RYR1: variants seen among roughly 807,000 people sequenced by gnomAD.
The protein encoded by RYR1 is ryanodine receptor 1.
A neutral mutation model predicts 583.5 loss-of-function variants in RYR1; 342 were observed. The observed-to-expected ratio is 0.59, with a 90% CI of 0.54 to 0.64. The LOEUF (loss-of-function observed/expected upper bound fraction) is 0.64. Among genes scored for constraint, RYR1 ranks in the 30% least tolerant of loss-of-function variants. RYR1 has a pLI of 0.00. For synonymous variants in RYR1, 2,791 were observed against 2,822.5 expected (o/e 0.99, Z 0.35); for missense variants, 6,032 against 6,917.2 (o/e 0.87, Z 4.54).
intron 31 of RYR1, among the ~76,000 whole-genome samples, chr19:38,479,604 G>A (rs1968911487): frequency 6.6e-6 from 1 of 151,996 alleles, no homozygotes; most frequent in South Asian, 2.1e-4. Flanking sequence ...GTAGAGATGG[G>A]TTTTCCTCAT....
In RYR1 at chr19:38,443,519, G is replaced by A. The variant is rs1476760234; in HGVS notation, c.271-39G>A. On this transcript the variant is annotated intron_variant, in intron 3 of 105. Coordinates refer to ENST00000359596, the MANE Select transcript of RYR1 (RefSeq NM_000540.3). ...ACCTCTTGGGGATCTGGAGAGTCCG[G>A]GGATCTGTGCTTATTCTGTTCCCTC... is the stretch of plus-strand genomic sequence containing the variant. 5.7e-6 allele frequency: 9 copies of A among 1,586,678 alleles called. No homozygotes were observed. In the South Asian group the frequency reaches 8.9e-5, roughly 16 times the overall value.
intron 10 of RYR1, 42 bp downstream of exon 10, chr19:38,448,553 A>G (rs1444615265): frequency 6.2e-7 from 1 of 1,614,102 alleles, no homozygotes; most frequent in South Asian, 1.1e-5. Flanking sequence ...TGAAGCCCCC[A>G]GTCCCAGCCC....
intron 84 of RYR1, among the ~76,000 whole-genome samples, chr19:38,539,916 T>C (rs1251336627): frequency 7.5e-6 from 1 of 134,082 alleles, no homozygotes; most frequent in Non-Finnish European, 1.6e-5. Context: ...CACAATTTAA[T>C]TTAACAATTT....
chr19:38,463,210 G>A (rs1967881270), intron 20 of RYR1, among the ~76,000 whole-genome samples: 1 of 133,064 alleles, frequency 7.5e-6, no homozygotes, highest in South Asian at 2.3e-4. Flanking sequence ...GGCTGGCCCT[G>A]GATAATTCCT....
Position 38,483,671 on chromosome 19 carries a change from G to C in RYR1, c.4934+155G>C, listed in dbSNP as rs1229698978. 6.6e-6 allele frequency among the ~76,000 whole-genome samples: 1 copy of C among 152,044 alleles called. No homozygotes were observed. Among genetic ancestry groups the C allele is most frequent in the Non-Finnish European group, 1.5e-5 (1 of 67,986 alleles). ...CCTCAGGGGACTCGGGCTCAGCTCA[G>C]ACATCCCCAGATTATGTCCCAGGGG... On this transcript the variant is annotated intron_variant, in intron 33 of 105. Coordinates refer to ENST00000359596, the MANE Select transcript of RYR1 (RefSeq NM_000540.3). The surrounding 1 kb of genome is among the most constrained non-coding windows in gnomAD (Gnocchi z 6.3).
chr19:38,502,746 C>T lies in RYR1; in HGVS notation c.7835+19C>T. 9.8e-7 allele frequency: 1 copy of T among 1,018,020 alleles called. No individual in the cohort carries two copies. Among genetic ancestry groups the T allele is most frequent in the East Asian group, 3.6e-5 (1 of 28,080 alleles). 63.1% of individuals were successfully genotyped at this position (1,018,020 alleles called of 1,614,324 possible). ...TCTGCAGGTGGAGCGGGGCAGGCTTCAGGGTGGGGCAGGGGCAGGGGCAGG... is the reference window on the plus strand; with the variant it reads ...TCTGCAGGTGGAGCGGGGCAGGCTTTAGGGTGGGGCAGGGGCAGGGGCAGG... On this transcript the variant is annotated intron_variant, in intron 48 of 105. Transcript: ENST00000359596.
At position 38,502,609 on chromosome 19, in the gene RYR1, G is replaced by T; in HGVS notation, c.7717G>T (p.Glu2573Ter). The T allele has an allele frequency of 6.2e-7, 1 of 1,612,974 alleles. No homozygotes were observed. The change falls in exon 48 of 106, where the codon GAA becomes TAA. Residue 2573 changes from glutamate (E) to a stop codon, truncating the protein, a stop_gained. Transcript: ENST00000359596. LOFTEE classifies it high-confidence loss of function. ...GTGTGCGCCGCTCTTTGCGGGCACA[G>T]AACACCGCGCCATCATGGTGGACTC... ...TKCAPLFAGT[E>*]HRAIMVDSML...
In RYR1 at chr19:38,536,037, G is replaced by T; in HGVS notation, c.11557G>T (p.Glu3853Ter). Residue 3853 changes from glutamate (E) to a stop codon, truncating the protein, a stop_gained, in exon 82 of 106, where the codon GAG becomes TAG. Transcript: ENST00000359596. LOFTEE classifies it high-confidence loss of function. ...TGCCTTTGAGAGACAGAACAAGGCC[G>T]AGGGGCTGGGCATGGTGAATGAGGA... ...LNAFERQNKA[E>*]GLGMVNEDGT... is the part of the protein sequence containing the mutation. 6.2e-7 allele frequency: 1 copy of T among 1,613,764 alleles called. No homozygotes were observed. The highest frequency in any genetic ancestry group is 8.5e-7 in the Non-Finnish European group (1 of 1,179,974).
chr19:38,469,440 G>A lies in RYR1; in HGVS notation c.3692G>A (p.Arg1231His), dbSNP rs558969466. The A allele has an allele frequency of 2.5e-5, 40 of 1,614,042 alleles. No homozygotes were observed. Among genetic ancestry groups the A allele is most frequent in the South Asian group, 1.5e-4 (14 of 91,080 alleles). ...GFEPFAINMQ[R>H]PVTTWFSKGL... is the part of the protein sequence containing the mutation. ...GAGCCATTTGCCATCAACATGCAGC[G>A]CCCAGTCACCACCTGGTTCAGCAAA... The change falls in exon 27 of 106, where the codon CGC (arginine) becomes CAC (histidine). Residue 1231 changes from arginine (R) to histidine (H), a missense_variant. Coordinates refer to ENST00000359596, the MANE Select transcript of RYR1 (RefSeq NM_000540.3).
chr19:38,453,167 A>G (rs892169874), intron 13 of RYR1, among the ~76,000 whole-genome samples, 153 bp downstream of exon 13: 1 of 150,182 alleles, frequency 6.7e-6, no homozygotes, highest in African/African-American at 2.5e-5. Flanking sequence ...GCCGGACAGG[A>G]ACCCCAGCCA....
chr19:38,473,700 G>T lies in RYR1; in HGVS notation c.4089G>T (p.Ala1363=), dbSNP rs761793739. Residue 1363 remains alanine (A), a synonymous_variant, in exon 28 of 106, where the codon GCG becomes GCT. Coordinates refer to ENST00000359596, the MANE Select transcript of RYR1 (RefSeq NM_000540.3). ...KEGAPGGTPQ[A]GGEAQPARAE... ...GCGCCCCCGGGGGCACCCCGCAGGC[G>T]GGGGGAGAGGCGCAGCCCGCCAGGG... The T allele has an allele frequency of 3.0e-5, 46 of 1,549,400 alleles. No individual in the cohort carries two copies. The highest frequency in any genetic ancestry group is 3.7e-5 in the Non-Finnish European group (42 of 1,146,582).
chr19:38,447,898 C>T (rs1429466865), intron 9 of RYR1, among the ~76,000 whole-genome samples: 1 of 149,114 alleles, frequency 6.7e-6, no homozygotes, highest in African/African-American at 2.5e-5. Context: ...TCTCTGGAGT[C>T]CTGTGGGAAA....
chr19:38,441,924 G>A (rs1418092249), intron 2 of RYR1, among the ~76,000 whole-genome samples: 1 of 151,856 alleles, frequency 6.6e-6, no homozygotes, highest in African/African-American at 2.4e-5. Context: ...GAGGCAGGAG[G>A]TGGGGCTTCC....
chr19:38,454,560 C>T (rs1452400663), intron 13 of RYR1, among the ~76,000 whole-genome samples: 2 of 152,056 alleles, frequency 1.3e-5, no homozygotes, highest in Non-Finnish European at 2.9e-5. Flanking sequence ...TAAACAGAAA[C>T]ATAAAAAACA....
At chr19:38,456,253 C>A (rs1170979066) in intron 16 of RYR1, among the ~76,000 whole-genome samples, 1 of 145,024 alleles carries the variant, frequency 6.9e-6, no homozygotes, top group Non-Finnish European at 1.5e-5. Context: ...GAATTACAGG[C>A]GTGAACCACC....
chr19:38,443,891 T>A, intron 5 of RYR1, 95 bp downstream of exon 5: 1 of 1,162,386 alleles, frequency 8.6e-7, no homozygotes, highest in Non-Finnish European at 1.3e-6. Flanking sequence ...AGCATGAGAC[T>A]ACCCTGGGGA....
chr19:38,452,165 A>G (rs1290361713), intron 12 of RYR1, among the ~76,000 whole-genome samples: 2 of 149,340 alleles, frequency 1.3e-5, no homozygotes, highest in African/African-American at 2.5e-5. Context: ...GGCTGGGCAC[A>G]GTGGCTCATG....
rs575631163 is a variant in RYR1 at position 38,585,080 on chromosome 19, C to G, written c.14784C>G (p.Ile4928Met). Residue 4928 changes from isoleucine (I) to methionine (M), a missense_variant, in exon 102 of 106, where the codon ATC becomes ATG. Transcript: ENST00000359596. ...DITFFFFVIV[I>M]LLAIIQGLII... ...CCTTCTTCTTCTTCGTCATCGTCATCCTGTTGGCCATCATCCAGGGTCAGT... is the reference window on the plus strand; with the variant it reads ...CCTTCTTCTTCTTCGTCATCGTCATGCTGTTGGCCATCATCCAGGGTCAGT... The G allele has an allele frequency of 6.2e-7, 1 of 1,613,900 alleles. No individual in the cohort carries two copies. The highest frequency in any genetic ancestry group is 1.3e-5 in the African/African-American group (1 of 74,986).
rs763282129 is a variant in RYR1, at chr19:38,512,082, C to T, written c.9183C>T (p.Ala3061=). 1.2e-6 allele frequency: 2 copies of T among 1,614,124 alleles called. No homozygotes were observed. The highest frequency in any genetic ancestry group is 1.7e-6 in the Non-Finnish European group (2 of 1,179,990). The change falls in exon 62 of 106, where the codon GCC becomes GCT. Residue 3061 remains alanine, a synonymous_variant. Transcript: ENST00000359596. This position sits in a 1 kb window ranked among gnomAD's most constrained non-coding sequence, Gnocchi z 5.1. Reference sequence around the variant, plus strand: ...ATCTTCCTCTCCCAGGGACAGACGCCCCAGCTGTGGTCAACTGTCTTCACA... The same window carrying T: ...ATCTTCCTCTCCCAGGGACAGACGCTCCAGCTGTGGTCAACTGTCTTCACA... The part of the protein sequence containing the change: ...RHRVSLFGTD[A]PAVVNCLHIL...
Sources: gnomAD v4.1 joint callset for allele counts (sites outside exome capture counted in the v4.1 genomes callset) on GRCh38, gnomAD v4.1.1 for gene constraint, Gnocchi (gnomAD v3.1) non-coding constraint, MANE v1.5 for transcripts, NCBI Gene and HGNC (gene_info 2026-07-23, HGNC 2026-07-21) for gene names.